Variants in DNAAF5 observed in about 807,000 individuals in gnomAD.
DNAAF5 encodes the protein HEAT repeat containing 2.
In DNAAF5, 64 loss-of-function variants were observed where a neutral mutation model predicts 75.8. The ratio of observed to expected loss-of-function variants is 0.84; its 90% CI spans 0.69 to 1.04. The LOEUF is 1.04. DNAAF5 is among the 50% of genes least tolerant of loss of function. DNAAF5 has a pLI of 0.00. For synonymous variants in DNAAF5, 657 were observed against 557.2 expected (o/e 1.18, Z -2.52); for missense variants, 1,269 against 1,178.5 (o/e 1.08, Z -1.12).
intron 9 of DNAAF5, among the ~76,000 whole-genome samples, chr7:773,191 G>A (rs1181348838): frequency 2.0e-5 from 3 of 152,148 alleles, no homozygotes; most frequent in East Asian, 1.9e-4. Context: ...CAGAAACCTC[G>A]CGGAATGCGT....
At chr7:744,958 T>G (rs550983141) in intron 4 of DNAAF5, among the ~76,000 whole-genome samples, 17 of 152,286 alleles carry the variant, frequency 1.1e-4, no homozygotes, top group African/African-American at 3.8e-4. Flanking sequence ...ACGAACTCAC[T>G]GTTGAACTCA....
chr7:780,317 TG>T (rs1197111206), intron 12 of DNAAF5, among the ~76,000 whole-genome samples, 173 bp downstream of exon 12: 1 of 152,256 alleles, frequency 6.6e-6, no homozygotes, highest in Non-Finnish European at 1.5e-5. Context: ...GCTGTCTTTG[TG>T]GTGATAGCTG....
At chr7:733,423 G>A (rs970012305) in intron 2 of DNAAF5, among the ~76,000 whole-genome samples, 2 of 152,148 alleles carry the variant, frequency 1.3e-5, no homozygotes, top group Non-Finnish European at 2.9e-5. Context: ...GGACAATATT[G>A]ATTCTTCCAG....
At chr7:740,127 A>T (rs1583481420) in intron 2 of DNAAF5, among the ~76,000 whole-genome samples, 1 of 151,962 alleles carries the variant, frequency 6.6e-6, no homozygotes, top group Admixed American at 6.5e-5. Flanking sequence ...CCGCTTCCTC[A>T]CCTGGCTTCT....
intron 8 of DNAAF5, among the ~76,000 whole-genome samples, chr7:767,779 C>T (rs932399530): frequency 2.0e-5 from 3 of 150,990 alleles, no homozygotes; most frequent in Non-Finnish European, 2.9e-5. Flanking sequence ...GCGGAAGTGT[C>T]CGTGCTGCCA....
chr7:752,730 T>C (rs1026378652), intron 4 of DNAAF5, among the ~76,000 whole-genome samples: 1 of 152,262 alleles, frequency 6.6e-6, no homozygotes, highest in Admixed American at 6.5e-5. Flanking sequence ...ATGTGTGGAC[T>C]TCATCAAAAT....
chr7:745,524 T>C (rs1782064394), intron 4 of DNAAF5, among the ~76,000 whole-genome samples: 1 of 150,600 alleles, frequency 6.6e-6, no homozygotes, highest in Non-Finnish European at 1.5e-5. Context: ...TATGCACACG[T>C]GTGTACATGC....
At chr7:728,357 T>C (rs543097119) in intron 1 of DNAAF5, among the ~76,000 whole-genome samples, 3 of 152,322 alleles carry the variant, frequency 2.0e-5, no homozygotes, top group African/African-American at 7.2e-5. Flanking sequence ...GTCCCAGTGA[T>C]GGTCTGAATG....
At chr7:745,228 G>A (rs777140691) in intron 4 of DNAAF5, among the ~76,000 whole-genome samples, 5 of 152,176 alleles carry the variant, frequency 3.3e-5, no homozygotes, top group Non-Finnish European at 7.4e-5. Flanking sequence ...CGTTCTCCAC[G>A]TGCTCACTGA....
Position 775,126 on chromosome 7 carries a change from A to G in DNAAF5, c.2203A>G (p.Met735Val), listed in dbSNP as rs768793919. The change falls in exon 11 of 13, where the codon ATG becomes GTG. Residue 735 changes from methionine to valine, a missense_variant. Coordinates refer to ENST00000297440, the MANE Select transcript of DNAAF5 (RefSeq NM_017802.4). Reference protein sequence around the residue: ...INTFLKTSGGMTDPEKLIRIY... With the variant: ...INTFLKTSGGVTDPEKLIRIY... ...CACGTTCTTAAAAACCTCGGGCGGCATGACGGATCCAGAGAAACTCATCAG... is the reference window on the plus strand; with the variant it reads ...CACGTTCTTAAAAACCTCGGGCGGCGTGACGGATCCAGAGAAACTCATCAG... 3.7e-6 allele frequency: 6 copies of G among 1,614,194 alleles called. No homozygotes were observed. The South Asian group carries it at 6.6e-5, about 18-fold the overall frequency.
intron 6 of DNAAF5, 93 bp from the exon 7 acceptor site, chr7:761,660 T>G: frequency 1.9e-5 from 25 of 1,307,748 alleles, no homozygotes; most frequent in East Asian, 2.6e-5. Context: ...CCAGGATACG[T>G]GGGGATTATG....
intron 12 of DNAAF5, among the ~76,000 whole-genome samples, chr7:781,198 C>T (rs575061344): frequency 3.9e-5 from 6 of 152,344 alleles, no homozygotes; most frequent in African/African-American, 1.4e-4. Flanking sequence ...TTCCGAGCCT[C>T]TGGGAGCCAT....
intron 4 of DNAAF5, among the ~76,000 whole-genome samples, chr7:743,834 T>C (rs1781998350): frequency 6.6e-6 from 1 of 151,178 alleles, no homozygotes; most frequent in Non-Finnish European, 1.5e-5. Context: ...AGTTTATATT[T>C]ATTTATTTAT....
intron 2 of DNAAF5, among the ~76,000 whole-genome samples, chr7:736,872 C>T (rs1044273439): frequency 5.3e-5 from 8 of 151,618 alleles, no homozygotes; most frequent in African/African-American, 1.2e-4. Context: ...TCTGTTGTGG[C>T]GTTTTTTATT....
chr7:782,667 C>G (rs1454833645), intron 12 of DNAAF5, among the ~76,000 whole-genome samples: 1 of 127,928 alleles, frequency 7.8e-6, no homozygotes, highest in African/African-American at 3.2e-5. Flanking sequence ...GTCAGAAACT[C>G]GATCTTCCTG....
At chr7:733,882 T>G (rs1201618768) in intron 2 of DNAAF5, among the ~76,000 whole-genome samples, 1 of 152,208 alleles carries the variant, frequency 6.6e-6, no homozygotes, top group Non-Finnish European at 1.5e-5. Flanking sequence ...GTAAATGGAA[T>G]TACTTTCTTG....
chr7:742,317 TGCCCAGCTCAAATCAGAC>T (rs892584915), intron 4 of DNAAF5, among the ~76,000 whole-genome samples: 3 of 149,970 alleles, frequency 2.0e-5, no homozygotes, highest in Admixed American at 1.3e-4. Flanking sequence ...CCAAATCAGA[TGCCCAGCTCAAATCAGAC>T]GCCCAGCTCA....
At chr7:753,545 G>A (rs1782374018) in intron 4 of DNAAF5, among the ~76,000 whole-genome samples, 1 of 152,040 alleles carries the variant, frequency 6.6e-6, no homozygotes, top group South Asian at 2.1e-4. Context: ...TCTCTCATAT[G>A]GCGATGGCTT....
At chr7:735,760 A>T (rs1166261948) in intron 2 of DNAAF5, among the ~76,000 whole-genome samples, 1 of 151,014 alleles carries the variant, frequency 6.6e-6, no homozygotes, top group Non-Finnish European at 1.5e-5. Context: ...GGTCTTTTGT[A>T]TTTTTTTTAA....
Sources: gnomAD v4.1 joint callset for allele counts (sites outside exome capture counted in the v4.1 genomes callset) on GRCh38, gnomAD v4.1.1 for gene constraint, MANE v1.5 for transcripts, NCBI Gene and HGNC (gene_info 2026-07-23, HGNC 2026-07-21) for gene names.